Variants in CRADD observed in about 807,000 individuals in gnomAD.
CRADD encodes CARD and death domain containing adaptor protein.
In CRADD, 9 loss-of-function variants were observed where a neutral mutation model predicts 15.5. The ratio of observed to expected loss-of-function variants is 0.58; its 90% CI spans 0.35 to 1.01. The LOEUF is 1.01. Ranked by LOEUF, CRADD falls within the 50% of genes least tolerant of loss-of-function variation. CRADD has a pLI of 0.02. For synonymous variants in CRADD, 118 were observed against 107.6 expected (o/e 1.10, Z -0.60); for missense variants, 227 against 250.3 (o/e 0.91, Z 0.63).
chr12:93,744,436 A>G (rs1313058287), intron 2 of CRADD, among the ~76,000 whole-genome samples: 10 of 152,180 alleles, frequency 6.6e-5, no homozygotes, highest in Non-Finnish European at 1.5e-4. Flanking sequence ...TTTCTCTTCT[A>G]CTTTTAAAGG....
intron 2 of CRADD, among the ~76,000 whole-genome samples, chr12:93,795,947 C>T (rs980148449): frequency 1.1e-4 from 17 of 152,182 alleles, no homozygotes; most frequent in Admixed American, 9.2e-4. Context: ...CAGAGGAGGG[C>T]ATAAGGAAAT....
At chr12:93,739,073 A>G (rs112244976) in intron 2 of CRADD, among the ~76,000 whole-genome samples, 1 of 152,174 alleles carries the variant, frequency 6.6e-6, no homozygotes, top group Non-Finnish European at 1.5e-5. Context: ...TTCTCCCAGC[A>G]AAATACACAG....
intron 2 of CRADD, among the ~76,000 whole-genome samples, chr12:93,884,982 T>C (rs1958526053): frequency 1.3e-5 from 2 of 152,042 alleles, no homozygotes; most frequent in African/African-American, 2.4e-5. Context: ...CTCTGACCAA[T>C]CAGATTAGCA....
At chr12:93,692,412 A>G (rs554478452) in intron 2 of CRADD, among the ~76,000 whole-genome samples, 1 of 152,318 alleles carries the variant, frequency 6.6e-6, no homozygotes, top group South Asian at 2.1e-4. Context: ...ACAAGACTAC[A>G]CTAAGCCTTA....
chr12:93,879,053 C>G (rs978790352), intron 2 of CRADD, among the ~76,000 whole-genome samples: 1 of 152,002 alleles, frequency 6.6e-6, no homozygotes, highest in Non-Finnish European at 1.5e-5. Flanking sequence ...TATTCTTTAT[C>G]TTTTTTCCTC....
intron 2 of CRADD, among the ~76,000 whole-genome samples, chr12:93,864,114 G>C (rs571413032): frequency 5.9e-5 from 9 of 152,268 alleles, no homozygotes; most frequent in Admixed American, 2.0e-4. Flanking sequence ...CCCCAGGCAG[G>C]CACAGTCATA....
At chr12:93,867,593 T>C (rs1468020122) in intron 2 of CRADD, among the ~76,000 whole-genome samples, 1 of 152,028 alleles carries the variant, frequency 6.6e-6, no homozygotes, top group Non-Finnish European at 1.5e-5. Context: ...TACAGGGATA[T>C]GGTTCAACTG....
chr12:93,731,485 C>T (rs1178689499), intron 2 of CRADD, among the ~76,000 whole-genome samples: 1 of 152,160 alleles, frequency 6.6e-6, no homozygotes, highest in Non-Finnish European at 1.5e-5. Context: ...CCAAGAATTG[C>T]CAGGCTTCTA....
intron 2 of CRADD, among the ~76,000 whole-genome samples, chr12:93,752,587 A>T (rs61929000): frequency 6.6e-6 from 1 of 152,236 alleles, no homozygotes; most frequent in African/African-American, 2.4e-5. Flanking sequence ...GAAATACTCC[A>T]AACAGTTAGA....
In CRADD at chr12:93,850,356, G is replaced by C; in HGVS notation, c.*85G>C. 1 of 1,473,778 alleles carries C rather than the reference G, an allele frequency of 6.8e-7. No individual in the cohort carries two copies. The highest frequency in any genetic ancestry group is 8.9e-7 in the Non-Finnish European group (1 of 1,118,418). The allele number at this position is 1,473,778 out of a possible 1,614,324, so 91.3% of individuals were successfully genotyped here. ...TTTCACTCAGAGCAGGTGGTTTTTTGTGTAGGTTTGTTTTTTATTTTTGAT... is the reference window on the plus strand; with the variant it reads ...TTTCACTCAGAGCAGGTGGTTTTTTCTGTAGGTTTGTTTTTTATTTTTGAT... On this transcript the variant is annotated 3_prime_UTR_variant, in exon 3 of 3. Transcript: ENST00000332896. The surrounding 1 kb of genome is among the most constrained non-coding windows in gnomAD (Gnocchi z 4.0).
At chr12:93,702,794 C>T (rs931573099) in intron 2 of CRADD, among the ~76,000 whole-genome samples, 3 of 152,046 alleles carry the variant, frequency 2.0e-5, no homozygotes, top group African/African-American at 7.2e-5. Context: ...GTGCACCATA[C>T]AGGTGCTCTG....
At chr12:93,779,625 T>C (rs1213699312) in intron 2 of CRADD, among the ~76,000 whole-genome samples, 1 of 148,754 alleles carries the variant, frequency 6.7e-6, no homozygotes, top group Non-Finnish European at 1.5e-5. Context: ...AGTCTCACTC[T>C]GTCACCCAGG....
chr12:93,800,114 T>C (rs59601575), intron 2 of CRADD, among the ~76,000 whole-genome samples: 12,046 of 152,208 alleles, frequency 0.079, 514 homozygotes, highest in East Asian at 0.16. Context: ...ATTGTAGGTA[T>C]TGGCTCACAT....
chr12:93,701,642 T>C (rs1253001069), intron 2 of CRADD, among the ~76,000 whole-genome samples: 1 of 152,198 alleles, frequency 6.6e-6, no homozygotes, highest in Non-Finnish European at 1.5e-5. Context: ...ACCACAACTT[T>C]TTACTGCTTT....
intron 2 of CRADD, among the ~76,000 whole-genome samples, chr12:93,764,938 T>C (rs936203554): frequency 2.6e-5 from 4 of 152,002 alleles, no homozygotes; most frequent in Non-Finnish European, 4.4e-5. Flanking sequence ...TTTGAATTAT[T>C]TGGGGAAAAA....
chr12:93,838,697 C>T (rs963946539), intron 2 of CRADD, among the ~76,000 whole-genome samples: 1 of 151,474 alleles, frequency 6.6e-6, no homozygotes, highest in Non-Finnish European at 1.5e-5. Flanking sequence ...GATAACTATT[C>T]TGACTGATAT....
chr12:93,854,725 C>T (rs1298069004), downstream of CRADD, among the ~76,000 whole-genome samples: 2 of 152,172 alleles, frequency 1.3e-5, no homozygotes, highest in African/African-American at 4.8e-5. Context: ...ATCCTTTGCC[C>T]AGCTCCTTCC....
chr12:93,865,761 C>T (rs1958361636), intron 2 of CRADD, among the ~76,000 whole-genome samples: 1 of 152,036 alleles, frequency 6.6e-6, no homozygotes, highest in Non-Finnish European at 1.5e-5. Flanking sequence ...ACAATGTTTG[C>T]TATGTAAACA....
intron 2 of CRADD, among the ~76,000 whole-genome samples, chr12:93,700,060 G>A (rs1175392486): frequency 6.6e-6 from 1 of 152,128 alleles, no homozygotes; most frequent in Non-Finnish European, 1.5e-5. Flanking sequence ...TTGGTTCCAG[G>A]GGAAGAAGCC....
Sources: gnomAD v4.1 joint callset for allele counts (sites outside exome capture counted in the v4.1 genomes callset) on GRCh38, gnomAD v4.1.1 for gene constraint, Gnocchi (gnomAD v3.1) non-coding constraint, MANE v1.5 for transcripts, NCBI Gene and HGNC (gene_info 2026-07-23, HGNC 2026-07-21) for gene names.